The following GPHN variants were observed in gnomAD, a reference collection of about 807,000 sequenced individuals.
The protein encoded by GPHN is gephyrin.
In GPHN, 17 loss-of-function variants were observed where a neutral mutation model predicts 95.5. The observed-to-expected ratio is 0.18, with a 90% CI of 0.12 to 0.27. The LOEUF is 0.27. Ranked by LOEUF, GPHN falls within the 10% of genes least tolerant of loss-of-function variation. GPHN has a pLI of 1.00. For missense variants in GPHN, 660 were observed against 978.1 expected (o/e 0.67, Z 4.34); for synonymous variants, 320 against 322.5 (o/e 0.99, Z 0.08).
chr14:67,717,864 G>A, the GPHN span: 2 of 152,186 alleles, frequency 1.3e-5, no homozygotes, highest in East Asian at 1.9e-4. Flanking sequence ...AGGAATTCAC[G>A]ACCAGCATGG....
At chr14:66,750,713 A>G (rs1485453139) in intron 2 of GPHN, among the ~76,000 whole-genome samples, 2 of 151,982 alleles carry the variant, frequency 1.3e-5, no homozygotes, top group Non-Finnish European at 2.9e-5. Context: ...CAATGCTGAA[A>G]ATGTGATGCT....
intron 5 of GPHN, among the ~76,000 whole-genome samples, chr14:66,880,615 T>C (rs997307195): frequency 6.6e-6 from 1 of 152,000 alleles, no homozygotes; most frequent in African/African-American, 2.4e-5. Context: ...AATTTATAAA[T>C]AGCTATGTTG....
chr14:66,543,047 G>C (rs865987124), intron 1 of GPHN, among the ~76,000 whole-genome samples: 3 of 152,082 alleles, frequency 2.0e-5, no homozygotes, highest in South Asian at 2.1e-4. Context: ...GAGAGAGAGT[G>C]GGGGGAGATG....
intron 9 of GPHN, among the ~76,000 whole-genome samples, chr14:66,971,457 T>C (rs1438894876): frequency 2.0e-5 from 3 of 152,232 alleles, no homozygotes; most frequent in Non-Finnish European, 4.4e-5. Flanking sequence ...TTTTCAAATA[T>C]ATGTTAATAT....
At position 66,959,682 on chromosome 14, in the gene GPHN, A is replaced by G. The variant is rs140120951; in HGVS notation, c.829-5509A>G. The stretch of plus-strand genomic sequence containing the variant: ...TCTCTCTTCATCTTTGTCACTTTCA[A>G]CAATTTGATTATAATGTATCTTCGT... On this transcript the variant is annotated intron_variant, in intron 8 of 22. Coordinates refer to ENST00000478722, the MANE Select transcript of GPHN (RefSeq NM_020806.5). Among the ~76,000 whole-genome samples the G allele has an allele frequency of 5.8e-3, 884 of 152,128 alleles. 9 individuals are homozygous for G. Among genetic ancestry groups the G allele is most frequent in the African/African-American group, 0.021 (863 of 41,520 alleles).
intron 4 of GPHN, among the ~76,000 whole-genome samples, chr14:66,874,477 T>A (rs904998713): frequency 8.5e-5 from 13 of 152,136 alleles, no homozygotes; most frequent in African/African-American, 3.1e-4. Context: ...AGGAGCATGT[T>A]CTAACCCAAT....
chr14:66,766,899 A>G (rs2058979169), intron 2 of GPHN, among the ~76,000 whole-genome samples: 1 of 152,012 alleles, frequency 6.6e-6, no homozygotes, highest in Non-Finnish European at 1.5e-5. Context: ...GATTTTACCA[A>G]CTATAGTTTT....
At chr14:67,093,128 A>G (rs1337747255) in intron 12 of GPHN, among the ~76,000 whole-genome samples, 1 of 152,156 alleles carries the variant, frequency 6.6e-6, no homozygotes, top group Non-Finnish European at 1.5e-5. Context: ...CATAGGTAAC[A>G]TACAGTTCTG....
chr14:67,642,194 C>T, the GPHN span: 1 of 1,613,814 alleles, frequency 6.2e-7, no homozygotes, highest in East Asian at 2.2e-5. Flanking sequence ...AGGCTGCCAC[C>T]TAAAAGACTT....
intron 1 of GPHN, among the ~76,000 whole-genome samples, chr14:66,671,837 AT>A (rs1231896287): frequency 1.3e-5 from 2 of 151,962 alleles, no homozygotes; most frequent in East Asian, 3.9e-4. Context: ...GATATTCATG[AT>A]TTGTGCTTTC....
At chr14:67,393,026 C>A in the GPHN span, 1 of 911,234 alleles carries the variant, frequency 1.1e-6, no homozygotes, top group Non-Finnish European at 1.8e-6. Flanking sequence ...ATGGCCATCT[C>A]AGGCTAGCCT....
At chr14:67,639,290 T>G in the GPHN span, among the ~76,000 whole-genome samples, 2 of 152,208 alleles carry the variant, frequency 1.3e-5, no homozygotes, top group Non-Finnish European at 2.9e-5. Flanking sequence ...GTTCTGTGAC[T>G]TATCCACTGG....
chr14:67,080,934 T>C (rs2076671429), intron 11 of GPHN, among the ~76,000 whole-genome samples: 1 of 152,202 alleles, frequency 6.6e-6, no homozygotes, highest in South Asian at 2.1e-4. Flanking sequence ...CAAATGCCAT[T>C]ATTTCATTCC....
chr14:67,272,191 A>G, the GPHN span: 2 of 152,170 alleles, frequency 1.3e-5, no homozygotes, highest in African/African-American at 4.8e-5. Context: ...TATGGAATTA[A>G]GGATTTGTAT....
the GPHN span, chr14:67,572,380 T>G: frequency 2.7e-6 from 1 of 375,896 alleles, no homozygotes. Flanking sequence ...AAGTGAGGGG[T>G]CCCTAGAGCT....
At chr14:67,209,194 G>A in the GPHN span, among the ~76,000 whole-genome samples, 1 of 152,168 alleles carries the variant, frequency 6.6e-6, no homozygotes, top group Non-Finnish European at 1.5e-5. Flanking sequence ...GGATACAGCA[G>A]CAAAAATGAT....
intron 11 of GPHN, among the ~76,000 whole-genome samples, chr14:67,071,401 C>G (rs1435109319): frequency 2.0e-5 from 3 of 151,386 alleles, no homozygotes; most frequent in South Asian, 2.1e-4. Context: ...CCAAACACCG[C>G]ATGTTCTCAC....
chr14:67,567,192 CCT>C, the GPHN span, among the ~76,000 whole-genome samples: 1 of 152,150 alleles, frequency 6.6e-6, no homozygotes, highest in South Asian at 2.1e-4. Flanking sequence ...AGAAGCCCAG[CCT>C]CTCTCTCTCC....
chr14:67,478,373 A>C, the GPHN span, among the ~76,000 whole-genome samples: 2 of 152,246 alleles, frequency 1.3e-5, no homozygotes, highest in East Asian at 3.9e-4. Flanking sequence ...TTTGGGATCC[A>C]TCCCCTCCTC....
Sources: allele counts gnomAD v4.1 joint callset (sites outside exome capture counted in the v4.1 genomes callset), GRCh38; gene constraint gnomAD v4.1.1; transcripts MANE v1.5; gene names NCBI Gene and HGNC (gene_info 2026-07-23, HGNC 2026-07-21).